Variants in BLTP2 observed in about 807,000 individuals in gnomAD.
BLTP2 encodes the protein U937-associated antigen.
At chr17:28,639,598 T>A in the BLTP2 span, 4 of 1,614,148 alleles carry the variant, frequency 2.5e-6, no homozygotes, top group Middle Eastern at 1.6e-4. Context: ...TTGAGGGAGT[T>A]GAGGCAGACA....
chr17:28,635,271 C>T, the BLTP2 span: 1 of 1,614,214 alleles, frequency 6.2e-7, no homozygotes, highest in African/African-American at 1.3e-5. Flanking sequence ...CAGCAGCCAG[C>T]TCTGGACAGT....
At chr17:28,628,213 CA>C in the BLTP2 span, 2 of 1,486,354 alleles carry the variant, frequency 1.3e-6, no homozygotes, top group Non-Finnish European at 9.3e-7. Flanking sequence ...TGTCCAAGCC[CA>C]TATCCATGTT....
At chr17:28,624,914 A>G in the BLTP2 span, among the ~76,000 whole-genome samples, 1 of 152,046 alleles carries the variant, frequency 6.6e-6, no homozygotes, top group Non-Finnish European at 1.5e-5. Flanking sequence ...TGTCTAACAG[A>G]GTGTATGGTT....
chr17:28,638,410 G>C, the BLTP2 span: 4 of 1,613,690 alleles, frequency 2.5e-6, no homozygotes, highest in African/African-American at 1.3e-5. Flanking sequence ...CTGAGGTGCT[G>C]GTAATCTGAA....
the BLTP2 span, chr17:28,620,936 A>T: frequency 6.6e-7 from 1 of 1,509,940 alleles, no homozygotes; most frequent in Non-Finnish European, 9.2e-7. Flanking sequence ...GGAAATAACT[A>T]CTTTCACAAT....
the BLTP2 span, chr17:28,643,173 G>A: frequency 2.5e-6 from 4 of 1,614,116 alleles, no homozygotes; most frequent in Non-Finnish European, 3.4e-6. Context: ...CTTGGCAGAA[G>A]ATCTTCAATA....
the BLTP2 span, chr17:28,631,917 T>G: frequency 1.1e-5 from 18 of 1,614,028 alleles, no homozygotes; most frequent in Non-Finnish European, 1.4e-5. Flanking sequence ...CCCAATAATG[T>G]ACCTGGCAAC....
chr17:28,639,439 C>T, the BLTP2 span: 1 of 1,612,492 alleles, frequency 6.2e-7, no homozygotes, highest in South Asian at 1.1e-5. Context: ...ACTAGGGAGG[C>T]TGAGAGGTCA....
chr17:28,633,243 C>T, the BLTP2 span: 10 of 1,597,606 alleles, frequency 6.3e-6, no homozygotes, highest in Non-Finnish European at 8.6e-6. Context: ...CCAACCTGAG[C>T]CCCTCATCCC....
chr17:28,637,786 C>T, the BLTP2 span: 1 of 1,567,754 alleles, frequency 6.4e-7, no homozygotes. Flanking sequence ...ATTCTCCTGC[C>T]TCAGTCTCCC....
the BLTP2 span, chr17:28,616,293 T>TA: frequency 5.4e-5 from 86 of 1,605,908 alleles, no homozygotes; most frequent in African/African-American, 9.4e-4. The surrounding 1 kb of genome is among the most constrained non-coding windows in gnomAD (Gnocchi z 4.8). Context: ...AGAATGGACT[T>TA]AGAGGAAACC....
chr17:28,624,152 T>C, the BLTP2 span: 58 of 1,501,588 alleles, frequency 3.9e-5, no homozygotes, highest in South Asian at 7.2e-4. Context: ...TATTCACCCA[T>C]TCATATTTAG....
the BLTP2 span, among the ~76,000 whole-genome samples, chr17:28,627,990 T>C: frequency 3.9e-5 from 6 of 152,150 alleles, no homozygotes; most frequent in East Asian, 3.9e-4. Flanking sequence ...TTCTCTCTTA[T>C]GGCATTTACC....
At chr17:28,624,310 G>C in the BLTP2 span, 8 of 1,614,018 alleles carry the variant, frequency 5.0e-6, no homozygotes, top group Non-Finnish European at 6.8e-6. Flanking sequence ...CCACACAACT[G>C]GTCACTCATG....
chr17:28,635,414 G>C, the BLTP2 span: 11 of 1,614,156 alleles, frequency 6.8e-6, no homozygotes, highest in Middle Eastern at 1.6e-4. Flanking sequence ...AGCCGCTTTG[G>C]GGGTAATGGC....
At chr17:28,619,765 T>C in the BLTP2 span, 1 of 1,614,064 alleles carries the variant, frequency 6.2e-7, no homozygotes. Flanking sequence ...CTTGCTGTCA[T>C]CCTGCAAAGA....
the BLTP2 span, chr17:28,616,027 G>A: frequency 3.1e-6 from 4 of 1,295,514 alleles, no homozygotes; most frequent in Non-Finnish European, 4.5e-6. The surrounding 1 kb of genome is among the most constrained non-coding windows in gnomAD (Gnocchi z 4.8). Flanking sequence ...CTGTCTCCCT[G>A]TATAGAATCT....
At chr17:28,630,143 C>T in the BLTP2 span, among the ~76,000 whole-genome samples, 11 of 152,278 alleles carry the variant, frequency 7.2e-5, no homozygotes, top group Admixed American at 5.9e-4. Flanking sequence ...GGATTACAGG[C>T]ATGAGCCATC....
chr17:28,628,250 T>C, the BLTP2 span: 37 of 1,611,162 alleles, frequency 2.3e-5, no homozygotes, highest in Admixed American at 5.5e-4. Flanking sequence ...AAAAGTCTCA[T>C]CTCCCCGAGC....
Sources: gnomAD v4.1 joint callset for allele counts (sites outside exome capture counted in the v4.1 genomes callset) on GRCh38, gnomAD v4.1.1 for gene constraint, Gnocchi (gnomAD v3.1) non-coding constraint, MANE v1.5 for transcripts, NCBI Gene and HGNC (gene_info 2026-07-23, HGNC 2026-07-21) for gene names.